ASIC2: variants seen among roughly 807,000 people sequenced by gnomAD.
The protein encoded by ASIC2 is acid-sensing ion channel 2.
ASIC2 carries 25 observed loss-of-function variants against 57.3 expected under a neutral mutation model. The ratio of observed to expected loss-of-function variants is 0.44; its 90% CI spans 0.32 to 0.61. The LOEUF is 0.61. ASIC2 is among the 20% of genes least tolerant of loss of function. ASIC2 has a pLI of 0.06. For synonymous variants in ASIC2, 319 were observed against 307.5 expected (o/e 1.04, Z -0.39); for missense variants, 641 against 738.1 (o/e 0.87, Z 1.52).
intron 1 of ASIC2, among the ~76,000 whole-genome samples, chr17:33,351,299 T>C (rs1213366593): frequency 6.6e-6 from 1 of 152,058 alleles, no homozygotes; most frequent in East Asian, 1.9e-4. Flanking sequence ...GACTTGGTGT[T>C]GGCACAGTTC....
At chr17:33,710,029 G>T (rs1908979016) in intron 1 of ASIC2, among the ~76,000 whole-genome samples, 1 of 152,146 alleles carries the variant, frequency 6.6e-6, no homozygotes, top group South Asian at 2.1e-4. Context: ...CACATGCCAT[G>T]AATTAATTAT....
chr17:33,287,979 CT>C (rs1905262628), intron 1 of ASIC2, among the ~76,000 whole-genome samples: 1 of 152,186 alleles, frequency 6.6e-6, no homozygotes, highest in South Asian at 2.1e-4. Flanking sequence ...TTGTTGCAGG[CT>C]ACACAAGACA....
At chr17:33,823,910 T>C (rs1479220920) in intron 1 of ASIC2, among the ~76,000 whole-genome samples, 1 of 152,240 alleles carries the variant, frequency 6.6e-6, no homozygotes, top group Non-Finnish European at 1.5e-5. Context: ...AGTTATATTC[T>C]ATGGATGTGC....
intron 1 of ASIC2, among the ~76,000 whole-genome samples, chr17:34,102,836 AGT>A: frequency 6.6e-6 from 1 of 152,142 alleles, no homozygotes; most frequent in Non-Finnish European, 1.5e-5. Flanking sequence ...TGGATTAAGG[AGT>A]GTTCCTCTTA....
chr17:33,318,469 G>A (rs2142212810), intron 1 of ASIC2, among the ~76,000 whole-genome samples: 1 of 152,264 alleles, frequency 6.6e-6, no homozygotes, highest in South Asian at 2.1e-4. Flanking sequence ...GACAGTAAGT[G>A]GGTTGCCTCC....
intron 1 of ASIC2, among the ~76,000 whole-genome samples, chr17:33,726,569 G>T (rs907338656): frequency 6.6e-6 from 1 of 152,120 alleles, no homozygotes; most frequent in African/African-American, 2.4e-5. Flanking sequence ...ATGAAGCCAG[G>T]CTAGGGAGCA....
chr17:34,088,866 T>C (rs7212227), intron 1 of ASIC2, among the ~76,000 whole-genome samples: 136,587 of 152,218 alleles, frequency 0.9, 61,674 homozygotes, highest in African/African-American at 0.98. Context: ...TCTCCTGGTG[T>C]GCTGTTTTTT....
chr17:34,047,231 A>G (rs980241525), intron 1 of ASIC2, among the ~76,000 whole-genome samples: 1 of 152,108 alleles, frequency 6.6e-6, no homozygotes. Context: ...TATTCAACAT[A>G]TTCATTTATT....
intron 1 of ASIC2, among the ~76,000 whole-genome samples, chr17:33,303,346 C>T (rs1906036551): frequency 6.6e-6 from 1 of 152,144 alleles, no homozygotes; most frequent in African/African-American, 2.4e-5. Context: ...CTATGTTTTT[C>T]CGAGCTTGGG....
intron 1 of ASIC2, among the ~76,000 whole-genome samples, chr17:33,304,445 A>ATAAAGTGTTCTTACTG (rs1213696457): frequency 6.6e-6 from 1 of 152,212 alleles, no homozygotes; most frequent in East Asian, 1.9e-4. Context: ...TTCTGTCTCT[A>ATAAAGTGTTCTTACTG]TAAAGTGTTC....
intron 1 of ASIC2, among the ~76,000 whole-genome samples, chr17:33,455,596 A>T (rs1912421992): frequency 6.6e-6 from 1 of 152,212 alleles, no homozygotes; most frequent in Admixed American, 6.5e-5. Context: ...TCCATCATTG[A>T]TGGGCACCTA....
In ASIC2 at chr17:33,291,483, C is replaced by T. The variant is rs1411896929; in HGVS notation, c.633G>A (p.Leu211=). The T allele has an allele frequency of 6.2e-7, 1 of 1,612,616 alleles. No homozygotes were observed. Among genetic ancestry groups the T allele is most frequent in the African/African-American group, 1.3e-5 (1 of 75,052 alleles). ...EGISAAFMDR[L]GHQLEDMLLS... ...GCAGCATGTCCTCCAGCTGGTGGCC[C>T]AGGCGGTCCATGAAGGCGGCGCTGA... The change falls in exon 1 of 10, where the codon CTG becomes CTA. Residue 211 remains leucine, a synonymous_variant. Coordinates refer to ENST00000225823, the MANE Select transcript of ASIC2 (RefSeq NM_183377.2).
At chr17:33,404,679 C>G (rs1910405924) in intron 1 of ASIC2, among the ~76,000 whole-genome samples, 5 of 152,206 alleles carry the variant, frequency 3.3e-5, no homozygotes, top group Admixed American at 3.3e-4. Flanking sequence ...TTACCATGCA[C>G]TCTTCTGGGC....
At chr17:33,577,003 A>T (rs1240229869) in intron 1 of ASIC2, among the ~76,000 whole-genome samples, 1 of 152,226 alleles carries the variant, frequency 6.6e-6, no homozygotes, top group Non-Finnish European at 1.5e-5. Flanking sequence ...CTCATTAAAC[A>T]TTACCTTGTA....
rs967527397 is a variant in ASIC2 at position 33,301,216 on chromosome 17, T to C, written c.556-189149A>G. Among the ~76,000 whole-genome samples the C allele has an allele frequency of 4.4e-4, 66 of 151,250 alleles. 1 individual carries two copies. The highest frequency in any genetic ancestry group is 1.6e-3 in the African/African-American group (66 of 41,064). On this transcript the variant is annotated intron_variant, in intron 1 of 9. Coordinates refer to the ASIC2 transcript ENST00000359872. ...GGCTAATTTTTTTTTTTTTTTGTAT[T>C]TTTTGGTAGAGATAGGGTTTCACCA...
At chr17:33,244,205 A>C (rs191127866) in intron 1 of ASIC2, among the ~76,000 whole-genome samples, 2 of 152,096 alleles carry the variant, frequency 1.3e-5, no homozygotes, top group East Asian at 3.9e-4. Context: ...GAGGTCAAAT[A>C]CTTCAAGATA....
chr17:34,035,142 G>T (rs201543201), intron 1 of ASIC2, among the ~76,000 whole-genome samples: 1 of 148,756 alleles, frequency 6.7e-6, no homozygotes. Context: ...AAACAGCATG[G>T]TACTGGTACC....
intron 1 of ASIC2, among the ~76,000 whole-genome samples, chr17:33,997,307 A>ATTTTTTTT (rs71147411): frequency 1.2e-5 from 1 of 85,766 alleles, no homozygotes; most frequent in Non-Finnish European, 2.1e-5. Flanking sequence ...TGCACGGTTA[A>ATTTTTTTT]TTTTTTTTTT....
intron 1 of ASIC2, among the ~76,000 whole-genome samples, chr17:33,302,453 G>A (rs1457239324): frequency 3.3e-5 from 5 of 152,126 alleles, no homozygotes; most frequent in Non-Finnish European, 5.9e-5. Context: ...CTCTGCTTCA[G>A]GGAGCACTCA....
Sources: gnomAD v4.1 joint callset for allele counts (sites outside exome capture counted in the v4.1 genomes callset) on GRCh38, gnomAD v4.1.1 for gene constraint, MANE v1.5 for transcripts, NCBI Gene and HGNC (gene_info 2026-07-23, HGNC 2026-07-21) for gene names.